Variants in PNPLA7 observed in about 807,000 individuals in gnomAD.
The protein encoded by PNPLA7 is patatin like domain 7, lysophospholipase.
PNPLA7 carries 153 observed loss-of-function variants against 161.7 expected under a neutral mutation model. The observed-to-expected ratio is 0.95, with a 90% CI of 0.83 to 1.08. The LOEUF is 1.08. Among genes scored for constraint, PNPLA7 ranks in the 50% least tolerant of loss-of-function variants. PNPLA7 has a pLI of 0.00. For synonymous variants in PNPLA7, 809 were observed against 782.1 expected (o/e 1.03, Z -0.57); for missense variants, 1,739 against 1,856.6 (o/e 0.94, Z 1.16).
At position 137,467,514 on chromosome 9, in the gene PNPLA7, G is replaced by C. The variant is rs777835954; in HGVS notation, c.2883-41C>G. The C allele has an allele frequency of 6.2e-7, 1 of 1,603,634 alleles. No homozygotes were observed. Among genetic ancestry groups the C allele is most frequent in the Non-Finnish European group, 8.5e-7 (1 of 1,175,234 alleles). ...ACACAGAGCAAGGAGTGAGTACCAG[G>C]CCCAGGCTGCGCCCTGCAGAGGCCT... On this transcript the variant is annotated intron_variant, in intron 25 of 34. Coordinates refer to ENST00000406427, the MANE Select transcript of PNPLA7 (RefSeq NM_001098537.3). This position sits in a 1 kb window ranked among gnomAD's most constrained non-coding sequence, Gnocchi z 5.1.
chr9:137,501,532 C>T, intron 15 of PNPLA7, 118 bp downstream of exon 15: 1 of 978,996 alleles, frequency 1.0e-6, no homozygotes. Context: ...GGGCAGTGGC[C>T]CGGTGCTGGG....
chr9:137,507,381 A>T (rs1833980923), intron 12 of PNPLA7, among the ~76,000 whole-genome samples: 1 of 152,236 alleles, frequency 6.6e-6, no homozygotes, highest in African/African-American at 2.4e-5. Flanking sequence ...GTCAACAAGC[A>T]TGTAGCTAAA....
rs1410513777 is a variant in PNPLA7 at position 137,547,379 on chromosome 9, A to G, written c.123T>C (p.Val41=). The change falls in exon 3 of 35, where the codon GTT becomes GTC. Residue 41 remains valine (V), a synonymous_variant. Transcript: ENST00000406427. This position sits in a 1 kb window ranked among gnomAD's most constrained non-coding sequence, Gnocchi z 4.6. ...CCAAGGCCAGGGCCAGGAGGGCTCC[A>G]ACTGCAATCCCCGTCAGCTGGCCGA... ...SPSTMLTGIA[V]GALLALALVG... 9 of 1,613,566 alleles carry G rather than the reference A, an allele frequency of 5.6e-6. No homozygotes were observed. In the East Asian group the frequency reaches 2.0e-4, roughly 36 times the overall value.
rs756288585 is a variant in PNPLA7 at position 137,547,572 on chromosome 9, G to A, written c.105+13C>T. 1.6e-5 allele frequency: 26 copies of A among 1,612,936 alleles called. 1 individual carries two copies. Among genetic ancestry groups the A allele is most frequent in the Admixed American group, 6.7e-5 (4 of 59,998 alleles). On this transcript the variant is annotated intron_variant, in intron 2 of 34. Transcript: ENST00000406427. This position sits in a 1 kb window ranked among gnomAD's most constrained non-coding sequence, Gnocchi z 4.6. ...CATCCAGGTCTGGCTCCAGGGAAGCGTGAGGTGATTACCATGGTGGACGGT... is the reference window on the plus strand; with the variant it reads ...CATCCAGGTCTGGCTCCAGGGAAGCATGAGGTGATTACCATGGTGGACGGT...
At chr9:137,483,939 A>T (rs1411059353) in intron 21 of PNPLA7, among the ~76,000 whole-genome samples, 2 of 151,826 alleles carry the variant, frequency 1.3e-5, no homozygotes, top group East Asian at 3.9e-4. Flanking sequence ...TGCATTTATT[A>T]TTATTATTAT....
intron 11 of PNPLA7, chr9:137,516,688 T>G: frequency 4.4e-6 from 1 of 228,038 alleles, no homozygotes; most frequent in Non-Finnish European, 7.3e-6. Context: ...CCTGGTGGCA[T>G]GCGCCTGTGG....
At chr9:137,485,827 G>T (rs1007828247) in intron 20 of PNPLA7, among the ~76,000 whole-genome samples, 10 of 152,222 alleles carry the variant, frequency 6.6e-5, no homozygotes, top group African/African-American at 2.2e-4. Flanking sequence ...CCCCATGTGG[G>T]CTGAGGGGCC....
chr9:137,471,909 A>G (rs1217828810), intron 25 of PNPLA7, among the ~76,000 whole-genome samples: 1 of 152,114 alleles, frequency 6.6e-6, no homozygotes, highest in East Asian at 1.9e-4. Flanking sequence ...TAGGACAGCC[A>G]AAACAATTAA....
intron 8 of PNPLA7, among the ~76,000 whole-genome samples, chr9:137,530,306 G>C (rs950592359): frequency 6.6e-6 from 1 of 152,206 alleles, no homozygotes; most frequent in Non-Finnish European, 1.5e-5. Context: ...TCTTTGTTAT[G>C]CTGCTCTGGG....
rs374467364 is a variant in PNPLA7 at position 137,480,275 on chromosome 9, G to A, written c.2580+37C>T. Reference sequence around the variant, plus strand: ...GAGAAACAGGAGGTTCTGAAGAGAGGGCTCTCCCCAGCTCCACCGGCCCTC... The same window carrying A: ...GAGAAACAGGAGGTTCTGAAGAGAGAGCTCTCCCCAGCTCCACCGGCCCTC... On this transcript the variant is annotated intron_variant, in intron 23 of 34. Transcript: ENST00000406427. The A allele has an allele frequency of 2.3e-4, 362 of 1,593,826 alleles. 4 individuals carry two copies. In the Middle Eastern group the frequency reaches 2.5e-3, roughly 11 times the overall value.
At chr9:137,462,415 G>A (rs1831257871) in intron 30 of PNPLA7, 84 bp from the exon 31 acceptor site, 2 of 1,515,388 alleles carry the variant, frequency 1.3e-6, no homozygotes, top group Non-Finnish European at 1.8e-6. Context: ...CAGGTTCTGG[G>A]GACCCATCCT....
At chr9:137,496,605 G>A (rs548647339) in intron 18 of PNPLA7, among the ~76,000 whole-genome samples, 5 of 152,222 alleles carry the variant, frequency 3.3e-5, no homozygotes, top group South Asian at 2.1e-4. Flanking sequence ...CAGCTACTCC[G>A]GAGGCTGAGG....
intron 21 of PNPLA7, among the ~76,000 whole-genome samples, chr9:137,483,912 A>G (rs1188462575): frequency 1.3e-5 from 2 of 152,146 alleles, no homozygotes; most frequent in Non-Finnish European, 1.5e-5. Flanking sequence ...GTTTTATAAT[A>G]ATTATACAAC....
Position 137,527,318 on chromosome 9 carries a change from C to T in PNPLA7, c.748-4461G>A, listed in dbSNP as rs28845938. Among the ~76,000 whole-genome samples the T allele has an allele frequency of 8.7e-3, 1,311 of 151,442 alleles. 18 individuals carry two copies. The highest frequency in any genetic ancestry group is 0.03 in the African/African-American group (1,254 of 41,260). The stretch of plus-strand genomic sequence containing the variant: ...AAAAAAACAAAAAAAAACCCACACA[C>T]ACACTCTGGCTTGTTCGCAATCTTC... On this transcript the variant is annotated intron_variant, in intron 8 of 34. Transcript: ENST00000406427.
rs111349825 is a variant in PNPLA7 at position 137,549,926 on chromosome 9, C to T, written c.30+242G>A. Among the ~76,000 whole-genome samples, 23 of 152,350 alleles carry T rather than the reference C, an allele frequency of 1.5e-4. 1 individual carries two copies. The highest frequency in any genetic ancestry group is 5.3e-4 in the African/African-American group (22 of 41,572). Reference sequence around the variant, plus strand: ...CCCATGGGCCACCGCTGGCTGCCCTCGCTGTGAACAATGCCCATGGGCCAC... The same window carrying T: ...CCCATGGGCCACCGCTGGCTGCCCTTGCTGTGAACAATGCCCATGGGCCAC... On this transcript the variant is annotated intron_variant, in intron 1 of 34. Transcript: ENST00000406427.
In PNPLA7 at chr9:137,462,318, G is replaced by T; in HGVS notation, c.3506C>A (p.Ala1169Glu). Residue 1169 changes from alanine (A) to glutamate (E), a missense_variant, in exon 31 of 35, where the codon GCA (alanine) becomes GAA (glutamate). Physicochemically the swap from Ala to Glu is moderately radical, Grantham distance 107. Coordinates refer to ENST00000406427, the MANE Select transcript of PNPLA7 (RefSeq NM_001098537.3). ...LATKVKVLNM[A>E]EIQTRLAYVC... ...GTAGGCCAGGCGCGTCTGAATCTCT[G>T]CCATGTTCAACACCTGCTGCCGTCA... 6.2e-7 allele frequency: 1 copy of T among 1,605,412 alleles called. No homozygotes were observed. The highest frequency in any genetic ancestry group is 1.1e-5 in the South Asian group (1 of 90,094).
At chr9:137,503,958 G>GGAAGAA (rs1564325507) in intron 14 of PNPLA7, among the ~76,000 whole-genome samples, 1 of 62,128 alleles carries the variant, frequency 1.6e-5, no homozygotes, top group Non-Finnish European at 4.2e-5. Context: ...TGAAGAAGAA[G>GGAAGAA]GAAGAAGGAA....
In PNPLA7 at chr9:137,500,684, GACTC is replaced by G. The variant is rs763943355; in HGVS notation, c.1757+3_1757+6del. ...CCCGCCCTGAGGTCCTGGCCCGTGG[GACTC>G]ACTCATAGAAGTGGGCCTTGGAGAT... On this transcript the variant is annotated splice_donor_5th_base_variant and intron_variant, in intron 16 of 34. Coordinates refer to ENST00000406427, the MANE Select transcript of PNPLA7 (RefSeq NM_001098537.3). This position sits in a 1 kb window ranked among gnomAD's most constrained non-coding sequence, Gnocchi z 5.5. 4 of 1,611,804 alleles carry G rather than the reference GACTC, an allele frequency of 2.5e-6. No individual in the cohort carries two copies. The Admixed American group carries it at 6.7e-5, about 27-fold the overall frequency.
At chr9:137,471,859 A>T (rs1476946177) in intron 25 of PNPLA7, among the ~76,000 whole-genome samples, 1 of 152,008 alleles carries the variant, frequency 6.6e-6, no homozygotes, top group Non-Finnish European at 1.5e-5. Flanking sequence ...GGAGACACTG[A>T]CGAGCTGATT....
Sources: gnomAD v4.1 joint callset for allele counts (sites outside exome capture counted in the v4.1 genomes callset) on GRCh38, gnomAD v4.1.1 for gene constraint, Gnocchi (gnomAD v3.1) non-coding constraint, MANE v1.5 for transcripts, NCBI Gene and HGNC (gene_info 2026-07-23, HGNC 2026-07-21) for gene names.